The following RGS22 variants were observed in gnomAD, a reference collection of about 807,000 sequenced individuals.
RGS22 encodes regulator of G-protein signaling 22.
A neutral mutation model predicts 172.9 loss-of-function variants in RGS22; 148 were observed. The observed-to-expected ratio is 0.86, with a 90% CI of 0.75 to 0.98. RGS22 has a LOEUF of 0.98. Among genes scored for constraint, RGS22 ranks in the 50% least tolerant of loss-of-function variants. RGS22 has a pLI of 0.00. For missense variants in RGS22, 1,347 were observed against 1,440.8 expected (o/e 0.93, Z 1.05); for synonymous variants, 458 against 480.2 (o/e 0.95, Z 0.60).
chr8:100,046,093 A>C (rs1335416233), intron 11 of RGS22: 1 of 152,130 alleles, frequency 6.6e-6, no homozygotes, highest in Non-Finnish European at 1.5e-5. Flanking sequence ...AAGATATTTT[A>C]ATAAAAATTT....
chr8:99,976,177 G>A (rs763650611), intron 23 of RGS22, among the ~76,000 whole-genome samples: 26 of 151,788 alleles, frequency 1.7e-4, no homozygotes, highest in Non-Finnish European at 3.2e-4. Flanking sequence ...GTGACACAGC[G>A]AGACTCCATC....
intron 5 of RGS22, 55 bp downstream of exon 5, chr8:100,072,090 T>C: frequency 9.6e-7 from 1 of 1,046,166 alleles, no homozygotes. Context: ...CCTAGCAAAT[T>C]GGGAGGCTAA....
intron 12 of RGS22, among the ~76,000 whole-genome samples, chr8:100,041,381 C>T (rs1192750650): frequency 6.6e-6 from 1 of 151,774 alleles, no homozygotes; most frequent in Admixed American, 6.6e-5. Context: ...GTCCCAGCTA[C>T]TTGGGAGGCT....
chr8:99,981,932 C>G lies in RGS22; in HGVS notation c.3360+5G>C. ...TATGCTTAGCCACATGCCCTGATCT[C>G]TTACCTGTGCCTCTCTAAATACATA... is the stretch of plus-strand genomic sequence containing the variant. On this transcript the variant is annotated splice_donor_5th_base_variant and intron_variant, in intron 22 of 27. Coordinates refer to ENST00000360863, the MANE Select transcript of RGS22 (RefSeq NM_015668.5). 2 of 1,605,920 alleles carry G rather than the reference C, an allele frequency of 1.2e-6. No homozygotes were observed. Among genetic ancestry groups the G allele is most frequent in the Non-Finnish European group, 1.7e-6 (2 of 1,176,490 alleles).
Position 100,080,232 on chromosome 8 carries a change from T to C in RGS22, c.241A>G (p.Ile81Val), listed in dbSNP as rs1197450342. 6.2e-7 allele frequency: 1 copy of C among 1,613,824 alleles called. No individual in the cohort carries two copies. The highest frequency in any genetic ancestry group is 8.5e-7 in the Non-Finnish European group (1 of 1,179,728). Residue 81 changes from isoleucine (I) to valine (V), a missense_variant, in exon 4 of 28, where the codon ATT becomes GTT. Ile to Val is a conservative substitution (Grantham distance 29). Coordinates refer to ENST00000360863, the MANE Select transcript of RGS22 (RefSeq NM_015668.5). ...TTTCCTTTCCTTACAACATCATAAA[T>C]GGGATTTCGAGGTTGCTGGTTTTGT... ...ILQNQQPRNP[I>V]YDVVRKGKNE... is the part of the protein sequence containing the mutation.
At chr8:100,001,772 C>G (rs1815118460) in intron 18 of RGS22, among the ~76,000 whole-genome samples, 1 of 152,094 alleles carries the variant, frequency 6.6e-6, no homozygotes, top group Non-Finnish European at 1.5e-5. Flanking sequence ...AGAGTAATAT[C>G]AGTTCAGAGA....
chr8:100,072,812 A>G (rs1346859358), intron 4 of RGS22, among the ~76,000 whole-genome samples: 2 of 152,204 alleles, frequency 1.3e-5, no homozygotes, highest in African/African-American at 2.4e-5. Context: ...TTCCCACAGA[A>G]CACGCACTTC....
intron 23 of RGS22, among the ~76,000 whole-genome samples, chr8:99,976,120 G>A (rs1261420831): frequency 6.6e-6 from 1 of 152,058 alleles, no homozygotes; most frequent in African/African-American, 2.4e-5. Context: ...AACCTGGGAA[G>A]CAGAGGTTGC....
At chr8:100,083,913 G>A (rs898323856) in intron 3 of RGS22, among the ~76,000 whole-genome samples, 5 of 149,582 alleles carry the variant, frequency 3.3e-5, no homozygotes, top group Admixed American at 6.7e-5. Flanking sequence ...GCAGTGGCGC[G>A]ATCTTGGCTC....
chr8:100,005,285 G>A (rs1184799863), intron 16 of RGS22, among the ~76,000 whole-genome samples: 5 of 152,042 alleles, frequency 3.3e-5, no homozygotes, highest in African/African-American at 1.2e-4. Context: ...ATTTTGGTGA[G>A]TGTCTTTTCA....
chr8:99,994,412 C>T (rs894310695), intron 20 of RGS22, among the ~76,000 whole-genome samples: 1 of 152,208 alleles, frequency 6.6e-6, no homozygotes, highest in Non-Finnish European at 1.5e-5. Context: ...GCAACTTCAG[C>T]AAAGTCTCAG....
At chr8:100,070,991 G>A (rs1399563748) in intron 6 of RGS22, among the ~76,000 whole-genome samples, 1 of 152,128 alleles carries the variant, frequency 6.6e-6, no homozygotes, top group African/African-American at 2.4e-5. Context: ...TGCTTTAAAT[G>A]AGAAATTCTG....
chr8:100,066,150 T>G lies in RGS22; in HGVS notation c.724+17A>C, dbSNP rs373152245. On this transcript the variant is annotated intron_variant, in intron 7 of 27. Coordinates refer to ENST00000360863, the MANE Select transcript of RGS22 (RefSeq NM_015668.5). Reference sequence around the variant, plus strand: ...TAAAGAGAAGTTCTGAAGTCATTCTTGTCCTTTTCTGCTTACCAGAAACAG... The same window carrying G: ...TAAAGAGAAGTTCTGAAGTCATTCTGGTCCTTTTCTGCTTACCAGAAACAG... The G allele has an allele frequency of 7.5e-6, 12 of 1,609,208 alleles. No homozygotes were observed. The highest frequency in any genetic ancestry group is 9.3e-6 in the Non-Finnish European group (11 of 1,177,246).
At chr8:100,095,219 C>T (rs765560471) in intron 2 of RGS22, among the ~76,000 whole-genome samples, 2 of 152,212 alleles carry the variant, frequency 1.3e-5, no homozygotes, top group South Asian at 2.1e-4. Flanking sequence ...GGTCTTGCCC[C>T]GTCACCCAGG....
At chr8:100,001,221 C>CATATATATATATATATATACATATAT (rs1397528231) in intron 18 of RGS22, among the ~76,000 whole-genome samples, 5 of 84,642 alleles carry the variant, frequency 5.9e-5, no homozygotes, top group African/African-American at 1.7e-4. Context: ...TATATATATA[C>CATATATATATATATATATACATATAT]ATATATATAT....
chr8:100,057,286 G>T (rs1160778106), intron 9 of RGS22, among the ~76,000 whole-genome samples: 2 of 152,178 alleles, frequency 1.3e-5, no homozygotes, highest in African/African-American at 4.8e-5. Context: ...AGGCAGAAGG[G>T]ACTTGCCTTG....
chr8:99,996,968 C>T (rs1013894228), intron 19 of RGS22, among the ~76,000 whole-genome samples: 4 of 152,182 alleles, frequency 2.6e-5, no homozygotes, highest in Non-Finnish European at 5.9e-5. Flanking sequence ...TTCTTGGGAA[C>T]CGCTCATAAC....
intron 10 of RGS22, among the ~76,000 whole-genome samples, chr8:100,051,447 T>C: frequency 3.5e-5 from 3 of 84,886 alleles, no homozygotes; most frequent in African/African-American, 1.5e-4. Context: ...TATATTTATT[T>C]ATATTATATT....
At chr8:100,056,312 C>T (rs1822244274) in intron 9 of RGS22, among the ~76,000 whole-genome samples, 1 of 152,112 alleles carries the variant, frequency 6.6e-6, no homozygotes, top group African/African-American at 2.4e-5. Context: ...GGAAAATTTG[C>T]AGCCTGATGA....
Sources: allele counts gnomAD v4.1 joint callset (sites outside exome capture counted in the v4.1 genomes callset), GRCh38; gene constraint gnomAD v4.1.1; transcripts MANE v1.5; gene names NCBI Gene and HGNC (gene_info 2026-07-23, HGNC 2026-07-21).